FKBP11: variants seen among roughly 807,000 people sequenced by gnomAD.
FKBP11 encodes the protein FKBP prolyl isomerase 11.
Under a neutral mutation model 24.7 loss-of-function variants are expected in FKBP11, and 21 were observed. That is an observed-to-expected ratio of 0.85 (90% CI 0.60 to 1.23). FKBP11 has a LOEUF of 1.23. FKBP11 is among the 50% of genes most tolerant of loss of function. The pLI, the probability that FKBP11 is intolerant of heterozygous loss-of-function variation, is 0.00. For synonymous variants in FKBP11, 106 were observed against 100.6 expected, an observed-to-expected ratio of 1.05 and a Z score of -0.32; for missense variants, 245 against 248.7, an observed-to-expected ratio of 0.99 and a Z score of 0.10.
At chr12:48,931,065 C>T (rs1940042683), upstream of FKBP11, among the ~76,000 whole-genome samples, 1 of 131,898 alleles carries the variant, frequency 7.6e-6, no homozygotes, top group Non-Finnish European at 1.5e-5. Flanking sequence ...GGAGGCGGAG[C>T]TTGCAGTGAG....
the FKBP11 span, chr12:48,937,323 G>T: frequency 6.6e-6 from 1 of 152,304 alleles, no homozygotes; most frequent in Admixed American, 6.5e-5. Flanking sequence ...CAGGTTATGG[G>T]CAGCTGTCTC....
chr12:48,925,363 C>CA lies in FKBP11; in HGVS notation c.65dup (p.Cys23ValfsTer4), dbSNP rs752374632. 36 of 1,605,868 alleles carry CA rather than the reference C, an allele frequency of 2.2e-5. No homozygotes were observed. In the South Asian group the frequency reaches 4.0e-4, roughly 18 times the overall value. ...TTTCGAGCCCAGCCTCAGCCCGGCA[C>CA]ACCGCCGCACTGAGCAGCAGCAGCA... On this transcript the variant is annotated frameshift_variant, in exon 1 of 6. Coordinates refer to ENST00000550765, the MANE Select transcript of FKBP11 (RefSeq NM_016594.3). LOFTEE classifies it high-confidence loss of function.
At position 48,924,510 on chromosome 12, in the gene FKBP11, A is replaced by T; in HGVS notation, c.283+51T>A. On this transcript the variant is annotated intron_variant, in intron 3 of 5. Transcript: ENST00000550765. ...GGCAGCTTTGGAGCCGAAGAGGCTA[A>T]GAAAGGGCTTAGGTTGGGAAGAGGT... is the stretch of plus-strand genomic sequence containing the variant. 1.9e-6 allele frequency: 3 copies of T among 1,546,372 alleles called. No individual in the cohort carries two copies. In the South Asian group the frequency reaches 3.3e-5, roughly 17 times the overall value.
chr12:48,927,509 G>T (rs561761135), upstream of FKBP11, among the ~76,000 whole-genome samples: 16 of 152,248 alleles, frequency 1.1e-4, no homozygotes, highest in African/African-American at 2.4e-4. Context: ...TACGTATCAA[G>T]ATATTTTTTA....
upstream of FKBP11, among the ~76,000 whole-genome samples, chr12:48,930,291 C>A (rs1039432832): frequency 6.6e-6 from 1 of 152,154 alleles, no homozygotes; most frequent in African/African-American, 2.4e-5. Flanking sequence ...TTTAACCCCT[C>A]CACAAACATG....
upstream of FKBP11, chr12:48,925,620 T>A: frequency 1.5e-6 from 1 of 675,864 alleles, no homozygotes; most frequent in African/African-American, 1.8e-5. Flanking sequence ...AGGGGCGCCC[T>A]CTGTACCCTC....
chr12:48,923,172 C>G (rs1939874997), intron 5 of FKBP11: 1 of 1,173,528 alleles, frequency 8.5e-7, no homozygotes, highest in African/African-American at 1.6e-5. Context: ...GAATTACGAG[C>G]CCAATACTCT....
At chr12:48,925,654 T>G (rs537800981), upstream of FKBP11, 2 of 591,102 alleles carry the variant, frequency 3.4e-6, no homozygotes, top group African/African-American at 3.7e-5. Flanking sequence ...GCGCAGGTTC[T>G]GACGCATCCG....
At chr12:48,931,272 G>C (rs1260310105), upstream of FKBP11, 2 of 655,810 alleles carry the variant, frequency 3.0e-6, no homozygotes, top group African/African-American at 3.6e-5. Context: ...GACTCGAACA[G>C]TGTGGTGAAG....
Position 48,923,127 on chromosome 12 carries a change from A to G in FKBP11, c.388+655T>C, listed in dbSNP as rs139839775. 2.3e-3 allele frequency: 2,565 copies of G among 1,101,256 alleles called. 8 individuals are homozygous for G. Among genetic ancestry groups the G allele is most frequent in the Non-Finnish European group, 2.6e-3 (2,305 of 885,408 alleles). 68.2% of individuals were successfully genotyped at this position (1,101,256 alleles called of 1,614,324 possible). On this transcript the variant is annotated intron_variant, in intron 5 of 5. Coordinates refer to ENST00000550765, the MANE Select transcript of FKBP11 (RefSeq NM_016594.3). The stretch of plus-strand genomic sequence containing the variant: ...TGCACTATTGCACTCCAGCCTGGGC[A>G]ACAAGAGTGAAACTCCATCTCAAAA...
At chr12:48,938,763 T>C in the FKBP11 span, 804 of 679,826 alleles carry the variant, frequency 1.2e-3, 9 homozygotes, top group East Asian at 0.018. Context: ...CAATTAGGGA[T>C]TGGTCATATA....
Position 48,922,128 on chromosome 12 carries a change from C to T in FKBP11, c.462G>A (p.Lys154=). ...IRANYWLKLV[K]GILPLVGMAM... ...CCATCCCTACCAGAGGCAAAATGCCCTTCACCAGCTTTAGCCAGTAGTTGG... is the reference window on the plus strand; with the variant it reads ...CCATCCCTACCAGAGGCAAAATGCCTTTCACCAGCTTTAGCCAGTAGTTGG... Residue 154 remains lysine (K), a synonymous_variant, in exon 6 of 6, where the codon AAG becomes AAA. Transcript: ENST00000550765. 6.2e-7 allele frequency: 1 copy of T among 1,614,176 alleles called. No homozygotes were observed. The highest frequency in any genetic ancestry group is 8.5e-7 in the Non-Finnish European group (1 of 1,180,034).
At chr12:48,922,713 G>A in intron 5 of FKBP11, 1 of 993,898 alleles carries the variant, frequency 1.0e-6, no homozygotes, top group Non-Finnish European at 1.2e-6. Flanking sequence ...TAAAGGGGCA[G>A]GTGGAACAGA....
At position 48,925,028 on chromosome 12, in the gene FKBP11, G is replaced by GC. The variant is rs759389599; in HGVS notation, c.195+17dup. ...CCGCCCCCTCCCAGGCCCCGCCCCGGCCCCCCAGACCCCTCACCGTGTAGT... is the reference window on the plus strand; with the variant it reads ...CCGCCCCCTCCCAGGCCCCGCCCCGGCCCCCCCAGACCCCTCACCGTGTAGT... On this transcript the variant is annotated intron_variant, in intron 2 of 5. Transcript: ENST00000550765. The GC allele has an allele frequency of 1.3e-6, 2 of 1,538,170 alleles. No individual in the cohort carries two copies. Among genetic ancestry groups the GC allele is most frequent in the South Asian group, 1.1e-5 (1 of 89,274 alleles).
chr12:48,934,793 C>T, the FKBP11 span, among the ~76,000 whole-genome samples: 1 of 152,024 alleles, frequency 6.6e-6, no homozygotes, highest in African/African-American at 2.4e-5. Flanking sequence ...GTGGGCAGAT[C>T]ACCTGAGGTC....
upstream of FKBP11, among the ~76,000 whole-genome samples, chr12:48,930,923 T>C (rs967722614): frequency 2.6e-5 from 4 of 151,660 alleles, no homozygotes; most frequent in Non-Finnish European, 4.4e-5. Flanking sequence ...GGTCAGGATA[T>C]CGAGACCCAT....
At chr12:48,927,010 A>T (rs1429310791), upstream of FKBP11, among the ~76,000 whole-genome samples, 2 of 152,030 alleles carry the variant, frequency 1.3e-5, no homozygotes, top group Non-Finnish European at 2.9e-5. Context: ...GGGTTTCGCC[A>T]TGTTGGCCAG....
chr12:48,935,843 T>C, the FKBP11 span: 1 of 152,206 alleles, frequency 6.6e-6, no homozygotes, highest in African/African-American at 2.4e-5. Flanking sequence ...TAGAGGCACA[T>C]GGGGCCCTCC....
upstream of FKBP11, among the ~76,000 whole-genome samples, chr12:48,928,747 G>C (rs983849328): frequency 1.3e-5 from 2 of 151,834 alleles, no homozygotes; most frequent in East Asian, 3.9e-4. Flanking sequence ...CCAAAGTGCT[G>C]GGATCACAGG....
Sources: allele counts gnomAD v4.1 joint callset (sites outside exome capture counted in the v4.1 genomes callset), GRCh38; gene constraint gnomAD v4.1.1; transcripts MANE v1.5; gene names NCBI Gene and HGNC (gene_info 2026-07-23, HGNC 2026-07-21).